ARHGEF7: variants seen among roughly 807,000 people sequenced by gnomAD.
ARHGEF7 encodes Rho guanine nucleotide exchange factor 7, also known as PAK-interacting exchange factor beta.
In ARHGEF7, 33 loss-of-function variants were observed where a neutral mutation model predicts 109.8. The observed-to-expected ratio is 0.30, with a 90% CI of 0.23 to 0.40. The LOEUF (loss-of-function observed/expected upper bound fraction) is 0.40, where lower values mean the gene tolerates loss of function less well. ARHGEF7 is among the 10% of genes least tolerant of loss of function. ARHGEF7 has a pLI of 1.00. For synonymous variants in ARHGEF7, 458 were observed against 424.6 expected (o/e 1.08, Z -0.97); for missense variants, 938 against 1,098.5 (o/e 0.85, Z 2.07).
intron 1 of ARHGEF7, among the ~76,000 whole-genome samples, chr13:111,148,724 A>G (rs1286802270): frequency 6.6e-6 from 1 of 152,252 alleles, no homozygotes; most frequent in African/African-American, 2.4e-5. Flanking sequence ...CAAAGAGACA[A>G]TGAGAAATAT....
At chr13:111,166,366 CTG>C (rs976080219) in intron 2 of ARHGEF7, among the ~76,000 whole-genome samples, 2 of 152,132 alleles carry the variant, frequency 1.3e-5, no homozygotes, top group Non-Finnish European at 2.9e-5. Flanking sequence ...TATGGAGCCT[CTG>C]AGGGTGTTTG....
At chr13:111,155,505 G>A (rs1051724308) in intron 2 of ARHGEF7, among the ~76,000 whole-genome samples, 1 of 152,188 alleles carries the variant, frequency 6.6e-6, no homozygotes, top group African/African-American at 2.4e-5. Flanking sequence ...GAAACTTAGG[G>A]CCTTTTCAAA....
chr13:111,266,695 C>G lies in ARHGEF7; in HGVS notation c.951-853C>G, dbSNP rs754080313. The stretch of plus-strand genomic sequence containing the variant: ...TCCCTGGTGTTCATGTTTTTGGTCA[C>G]TTTTTCTCTGGCTCCCATTCCCTAG... On this transcript the variant is annotated intron_variant, in intron 8 of 21. Coordinates refer to ENST00000646102, the MANE Select transcript of ARHGEF7 (RefSeq NM_001354046.2). This position sits in a 1 kb window ranked among gnomAD's most constrained non-coding sequence, Gnocchi z 4.8. 2.5e-6 allele frequency: 1 copy of G among 406,142 alleles called. No homozygotes were observed. Among genetic ancestry groups the G allele is most frequent in the Non-Finnish European group, 5.1e-6 (1 of 196,600 alleles). 25.2% of individuals were successfully genotyped at this position (406,142 alleles called of 1,614,324 possible). A position where few individuals can be genotyped will look rare whatever the true frequency, so the allele number is the denominator to read the frequency against.
chr13:111,280,216 C>G, intron 13 of ARHGEF7, 56 bp from the exon 14 acceptor site: 1 of 1,524,008 alleles, frequency 6.6e-7, no homozygotes, highest in Non-Finnish European at 9.0e-7. Flanking sequence ...ATAATGGTAC[C>G]TTTTTCTAGA....
intron 2 of ARHGEF7, among the ~76,000 whole-genome samples, chr13:111,189,123 C>T (rs890814486): frequency 2.6e-5 from 4 of 152,188 alleles, no homozygotes; most frequent in African/African-American, 9.6e-5. Context: ...AGGAGGTTGG[C>T]TGGAACACCT....
intron 2 of ARHGEF7, among the ~76,000 whole-genome samples, chr13:111,185,615 G>A (rs2079166300): frequency 6.6e-6 from 1 of 152,234 alleles, no homozygotes; most frequent in Non-Finnish European, 1.5e-5. Context: ...GTTAGCCCAA[G>A]CCAGTGTGTT....
At chr13:111,227,032 A>G (rs897488540) in intron 5 of ARHGEF7, among the ~76,000 whole-genome samples, 5 of 152,214 alleles carry the variant, frequency 3.3e-5, no homozygotes, top group Non-Finnish European at 7.3e-5. Flanking sequence ...CTAAAATTGG[A>G]AGTGGAGCCT....
chr13:111,203,002 A>T, intron 2 of ARHGEF7: 1 of 1,153,800 alleles, frequency 8.7e-7, no homozygotes, highest in Non-Finnish European at 1.1e-6. Context: ...AGCCAATCAG[A>T]TGCTTCCTGG....
At chr13:111,174,898 A>G (rs568215336) in intron 2 of ARHGEF7, among the ~76,000 whole-genome samples, 73 of 152,230 alleles carry the variant, frequency 4.8e-4, no homozygotes, top group Non-Finnish European at 9.3e-4. Context: ...GGTTTTGTGC[A>G]GCACATGTGC....
chr13:111,171,337 C>T (rs910854702), intron 2 of ARHGEF7, among the ~76,000 whole-genome samples: 1 of 152,132 alleles, frequency 6.6e-6, no homozygotes, highest in Non-Finnish European at 1.5e-5. Context: ...TTGGGAGCTG[C>T]GTGTGCAGGA....
chr13:111,184,247 A>T (rs2079039141), intron 2 of ARHGEF7, among the ~76,000 whole-genome samples: 1 of 152,166 alleles, frequency 6.6e-6, no homozygotes, highest in Non-Finnish European at 1.5e-5. Flanking sequence ...AGGCCTCCCC[A>T]GCTATGTGTA....
chr13:111,127,924 A>G (rs2067686973), intron 1 of ARHGEF7, among the ~76,000 whole-genome samples: 1 of 152,238 alleles, frequency 6.6e-6, no homozygotes, highest in Admixed American at 6.5e-5. Context: ...AATACAATTC[A>G]TGATATTAAC....
At chr13:111,175,285 A>G (rs1190503486) in intron 2 of ARHGEF7, among the ~76,000 whole-genome samples, 1 of 152,246 alleles carries the variant, frequency 6.6e-6, no homozygotes, top group Non-Finnish European at 1.5e-5. Flanking sequence ...CAGAATGTAC[A>G]GAGGACAGAC....
chr13:111,237,736 C>CA (rs1249141279), intron 6 of ARHGEF7, among the ~76,000 whole-genome samples: 2 of 152,112 alleles, frequency 1.3e-5, no homozygotes, highest in African/African-American at 2.4e-5. Flanking sequence ...TTTAAAAATA[C>CA]AAAAAACATA....
intron 2 of ARHGEF7, among the ~76,000 whole-genome samples, chr13:111,168,719 A>T (rs967534646): frequency 1.3e-5 from 2 of 152,252 alleles, no homozygotes; most frequent in African/African-American, 4.8e-5. Context: ...AGCTTGAGAG[A>T]TGATTTTTGA....
chr13:111,189,762 C>T (rs1169091468), intron 2 of ARHGEF7, among the ~76,000 whole-genome samples: 6 of 152,196 alleles, frequency 3.9e-5, no homozygotes, highest in Admixed American at 2.6e-4. Flanking sequence ...GGTGCATTTA[C>T]AAACCTTTGG....
At chr13:111,292,579 AGTT>A (rs1307303924) in intron 19 of ARHGEF7, 15 of 1,314,086 alleles carry the variant, frequency 1.1e-5, no homozygotes, top group African/African-American at 1.0e-4. Flanking sequence ...CGTAAGGGGT[AGTT>A]GTTGTTTTAT....
At chr13:111,233,546 G>A (rs747754945) in intron 6 of ARHGEF7, among the ~76,000 whole-genome samples, 2 of 152,152 alleles carry the variant, frequency 1.3e-5, no homozygotes, top group Non-Finnish European at 2.9e-5. Context: ...ACATAGTAAT[G>A]TGCGTGTTTC....
At chr13:111,186,005 T>TGTGTGTGTG (rs1566745669) in intron 2 of ARHGEF7, among the ~76,000 whole-genome samples, 37 of 148,748 alleles carry the variant, frequency 2.5e-4, no homozygotes, top group Admixed American at 4.0e-4. Flanking sequence ...TGTGTGTGTG[T>TGTGTGTGTG]TTTCGTTTTC....
Sources: allele counts gnomAD v4.1 joint callset (sites outside exome capture counted in the v4.1 genomes callset), GRCh38; gene constraint gnomAD v4.1.1; non-coding constraint Gnocchi (gnomAD v3.1); transcripts MANE v1.5; gene names NCBI Gene and HGNC (gene_info 2026-07-23, HGNC 2026-07-21).